EVC2: variants seen among roughly 807,000 people sequenced by gnomAD.
The protein encoded by EVC2 is limbin.
A neutral mutation model predicts 149.3 loss-of-function variants in EVC2; 148 were observed. The ratio of observed to expected loss-of-function variants is 0.99; its 90% CI spans 0.87 to 1.14. The LOEUF is 1.14. Ranked by LOEUF, EVC2 falls within the 50% of genes most tolerant of loss-of-function variation. The pLI is 0.00. For synonymous variants in EVC2, 776 were observed against 649.9 expected (o/e 1.19, Z -2.95); for missense variants, 1,854 against 1,627.3 (o/e 1.14, Z -2.40).
At chr4:5,667,356 A>T (rs183743598) in intron 7 of EVC2, among the ~76,000 whole-genome samples, 70 of 151,866 alleles carry the variant, frequency 4.6e-4, no homozygotes, top group Admixed American at 2.4e-3. Context: ...AGATAATAAT[A>T]ATTATTATTA....
chr4:5,562,391 A>G (rs1722010441), downstream of EVC2: 3 of 943,890 alleles, frequency 3.2e-6, no homozygotes, highest in Non-Finnish European at 3.9e-6. This position sits in a 1 kb window ranked among gnomAD's most constrained non-coding sequence, Gnocchi z 4.3. Context: ...CGTAATTTCA[A>G]ATAAATGCTT....
chr4:5,694,523 GT>G, intron 2 of EVC2, 22 bp from the exon 3 acceptor site: 3 of 1,614,018 alleles, frequency 1.9e-6, no homozygotes, highest in Non-Finnish European at 2.5e-6. Flanking sequence ...CAACACACCC[GT>G]TTTATATAAT....
rs201258470 is a variant in EVC2, at chr4:5,568,414, C to T, written c.3557+30G>A. 284 of 1,537,004 alleles carry T rather than the reference C, an allele frequency of 1.8e-4. 4 individuals are homozygous for T. The East Asian group carries it at 5.3e-3, about 29-fold the overall frequency. On this transcript the variant is annotated intron_variant, in intron 20 of 21. Coordinates refer to ENST00000344408, the MANE Select transcript of EVC2 (RefSeq NM_147127.5). ...GGGACCCTTGTGGACAGGGACGTGCCCCGGGAGGCAGCCCCTCCACGGCAC... is the reference window on the plus strand; with the variant it reads ...GGGACCCTTGTGGACAGGGACGTGCTCCGGGAGGCAGCCCCTCCACGGCAC...
intron 16 of EVC2, among the ~76,000 whole-genome samples, chr4:5,588,842 T>C (rs1375155057): frequency 6.6e-6 from 1 of 152,192 alleles, no homozygotes; most frequent in Non-Finnish European, 1.5e-5. Context: ...ATGCTGGAGG[T>C]TGCCATTTTT....
In EVC2 at chr4:5,568,630, A is replaced by C; in HGVS notation, c.3371T>G (p.Leu1124Arg). ...FATLCSQELR[L>R]ASYLARMAMV... is the part of the protein sequence containing the mutation. ...GGCCATCCTCGCCAGGTACGATGCC[A>C]GTCTCAGCTCCTACAGGAAACAACA... Residue 1124 changes from leucine to arginine, a missense_variant, in exon 20 of 22, where the codon CTG (leucine) becomes CGG (arginine). Transcript: ENST00000344408. 3 of 1,608,046 alleles carry C rather than the reference A, an allele frequency of 1.9e-6. No homozygotes were observed. The highest frequency in any genetic ancestry group is 1.7e-6 in the Non-Finnish European group (2 of 1,179,798).
chr4:5,702,509 C>T (rs1185571524), intron 1 of EVC2, among the ~76,000 whole-genome samples: 1 of 152,230 alleles, frequency 6.6e-6, no homozygotes. Flanking sequence ...TCCTCCCCTT[C>T]TGATCAACTT....
downstream of EVC2, among the ~76,000 whole-genome samples, chr4:5,558,353 G>A (rs1721876929): frequency 6.6e-6 from 1 of 152,176 alleles, no homozygotes; most frequent in Non-Finnish European, 1.5e-5. Context: ...GTGACTGCCA[G>A]GGGTCCAGGT....
Position 5,593,965 on chromosome 4 carries a change from T to C in EVC2, c.2830-9115A>G, listed in dbSNP as rs921983287. ...TCCTACACCCATGGAGTCTCGCTGA[T>C]TGCTAGCACGGCAGTCTGACATTGA... On this transcript the variant is annotated intron_variant, in intron 16 of 21. Transcript: ENST00000344408. Among the ~76,000 whole-genome samples, 9 of 152,212 alleles carry C rather than the reference T, an allele frequency of 5.9e-5. No homozygotes were observed. The South Asian group carries it at 1.7e-3, about 28-fold the overall frequency.
chr4:5,590,528 C>A lies in EVC2; in HGVS notation c.2830-5678G>T, dbSNP rs542085031. ...CAGAAACCAGCTCTTCCAAAAGACT[C>A]CACCCCAATATCAACCAACTGCCTG... On this transcript the variant is annotated intron_variant, in intron 16 of 21. Coordinates refer to ENST00000344408, the MANE Select transcript of EVC2 (RefSeq NM_147127.5). Among the ~76,000 whole-genome samples the A allele has an allele frequency of 2.0e-5, 3 of 152,246 alleles. No homozygotes were observed. In the East Asian group the frequency reaches 5.8e-4, roughly 29 times the overall value.
intron 16 of EVC2, among the ~76,000 whole-genome samples, chr4:5,606,424 T>G (rs968193458): frequency 6.6e-6 from 1 of 152,162 alleles, no homozygotes; most frequent in Non-Finnish European, 1.5e-5. Flanking sequence ...GGGCATCACC[T>G]TGGTAGTGGG....
rs1368649450 is a variant in EVC2, at chr4:5,618,258, AG to A, written c.2706+219del. ...TGGATGGTGCAACAGCCCAGGCAACAGGATCAGGGCACAGCACCAGCAGTGT... is the reference window on the plus strand; with the variant it reads ...TGGATGGTGCAACAGCCCAGGCAACAGATCAGGGCACAGCACCAGCAGTGT... On this transcript the variant is annotated intron_variant, in intron 15 of 21. Coordinates refer to ENST00000344408, the MANE Select transcript of EVC2 (RefSeq NM_147127.5). The surrounding 1 kb of genome is among the most constrained non-coding windows in gnomAD (Gnocchi z 4.4). Among the ~76,000 whole-genome samples the A allele has an allele frequency of 6.6e-6, 1 of 152,214 alleles. No homozygotes were observed. Among genetic ancestry groups the A allele is most frequent in the African/African-American group, 2.4e-5 (1 of 41,468 alleles).
intron 18 of EVC2, among the ~76,000 whole-genome samples, chr4:5,575,853 G>A (rs1404106226): frequency 6.6e-6 from 1 of 152,162 alleles, no homozygotes; most frequent in African/African-American, 2.4e-5. Flanking sequence ...ATTGCAATAA[G>A]GCCTGTAGTC....
At position 5,696,608 on chromosome 4, in the gene EVC2, G is replaced by T. The variant is rs978771336; in HGVS notation, c.283+985C>A. Among the ~76,000 whole-genome samples the T allele has an allele frequency of 5.3e-5, 8 of 152,214 alleles. No homozygotes were observed. The highest frequency in any genetic ancestry group is 1.9e-4 in the African/African-American group (8 of 41,448). On this transcript the variant is annotated intron_variant, in intron 2 of 21. Transcript: ENST00000344408. This position sits in a 1 kb window ranked among gnomAD's most constrained non-coding sequence, Gnocchi z 4.1. ...CCCGCGGCATTTTTCCCACCATGGGGAAAGGATGTAACTGCCTGTGAAAGA... is the reference window on the plus strand; with the variant it reads ...CCCGCGGCATTTTTCCCACCATGGGTAAAGGATGTAACTGCCTGTGAAAGA...
intron 16 of EVC2, among the ~76,000 whole-genome samples, chr4:5,609,870 C>G (rs1714685156): frequency 6.6e-6 from 1 of 152,194 alleles, no homozygotes; most frequent in Non-Finnish European, 1.5e-5. Flanking sequence ...ATAAAGGAAC[C>G]TGGGCGAAGT....
intron 7 of EVC2, 145 bp downstream of exon 7, chr4:5,681,115 G>T: frequency 2.2e-6 from 2 of 911,986 alleles, no homozygotes; most frequent in Non-Finnish European, 1.8e-6. Context: ...CGGGGGACCC[G>T]AGAGACTGCA....
At position 5,618,446 on chromosome 4, in the gene EVC2, T is replaced by C. The variant is rs1560168664; in HGVS notation, c.2706+32A>G. ...CCAGCAGCTGGGAGACGGCCCTGCT[T>C]CTGTAATCGGCCACTGACAGGTCCA... On this transcript the variant is annotated intron_variant, in intron 15 of 21. Transcript: ENST00000344408. The surrounding 1 kb of genome is among the most constrained non-coding windows in gnomAD (Gnocchi z 4.4). 4 of 1,611,690 alleles carry C rather than the reference T, an allele frequency of 2.5e-6. No homozygotes were observed. Among genetic ancestry groups the C allele is most frequent in the Admixed American group, 3.3e-5 (2 of 60,002 alleles).
intron 15 of EVC2, among the ~76,000 whole-genome samples, chr4:5,617,831 C>G: frequency 6.6e-6 from 1 of 152,170 alleles, no homozygotes; most frequent in African/African-American, 2.4e-5. Context: ...TGAAGGAGGT[C>G]TCTCTAGGAT....
chr4:5,561,599 A>T (rs1560120208), downstream of EVC2, among the ~76,000 whole-genome samples: 1 of 152,118 alleles, frequency 6.6e-6, no homozygotes, highest in Non-Finnish European at 1.5e-5. Context: ...TGCAAATAAG[A>T]CTTGGTCTTC....
Position 5,597,888 on chromosome 4 carries a change from A to G in EVC2, c.2830-13038T>C, listed in dbSNP as rs1040542216. On this transcript the variant is annotated intron_variant, in intron 16 of 21. Coordinates refer to ENST00000344408, the MANE Select transcript of EVC2 (RefSeq NM_147127.5). ...AGCAAAGTCTCAGGATACAAAATCAATGTACAAAAATCACAAGCATTCTTA... is the reference window on the plus strand; with the variant it reads ...AGCAAAGTCTCAGGATACAAAATCAGTGTACAAAAATCACAAGCATTCTTA... 1.1e-4 allele frequency among the ~76,000 whole-genome samples: 13 copies of G among 114,156 alleles called. No homozygotes were observed. In the South Asian group the frequency reaches 1.7e-3, roughly 15 times the overall value. The allele number at this position is 114,156 out of a possible 152,430, so 74.9% of individuals were successfully genotyped here. A position where few individuals can be genotyped will look rare whatever the true frequency, so the allele number is the denominator to read the frequency against.
Sources: allele counts gnomAD v4.1 joint callset (sites outside exome capture counted in the v4.1 genomes callset), GRCh38; gene constraint gnomAD v4.1.1; non-coding constraint Gnocchi (gnomAD v3.1); transcripts MANE v1.5; gene names NCBI Gene and HGNC (gene_info 2026-07-23, HGNC 2026-07-21).